TRIM24: variants seen among roughly 807,000 people sequenced by gnomAD.
The protein encoded by TRIM24 is tripartite motif containing 24.
In TRIM24, 29 loss-of-function variants were observed where a neutral mutation model predicts 123.9. The observed-to-expected ratio is 0.23, with a 90% CI of 0.17 to 0.32. TRIM24 has a LOEUF of 0.32. Among genes scored for constraint, TRIM24 ranks in the 10% least tolerant of loss-of-function variants. The pLI is 1.00. For synonymous variants in TRIM24, 456 were observed against 461.1 expected, an observed-to-expected ratio of 0.99 and a Z score of 0.14; for missense variants, 932 against 1,295.3, an observed-to-expected ratio of 0.72 and a Z score of 4.31.
At chr7:138,492,371 T>C (rs186620849) in intron 1 of TRIM24, among the ~76,000 whole-genome samples, 2 of 152,006 alleles carry the variant, frequency 1.3e-5, no homozygotes, top group East Asian at 3.9e-4. Context: ...TTATATATCC[T>C]GGATACTAAG....
intron 6 of TRIM24, among the ~76,000 whole-genome samples, chr7:138,534,158 A>G (rs1796813123): frequency 6.6e-6 from 1 of 152,168 alleles, no homozygotes; most frequent in African/African-American, 2.4e-5. Context: ...TTTTCAAAAA[A>G]ACCAGCTCCT....
intron 2 of TRIM24, among the ~76,000 whole-genome samples, chr7:138,512,166 C>A (rs1278371793): frequency 6.6e-6 from 1 of 152,206 alleles, no homozygotes; most frequent in African/African-American, 2.4e-5. Flanking sequence ...AAGCCTTGGG[C>A]AGCTGTACCT....
At chr7:138,533,508 G>C (rs1313746729) in intron 6 of TRIM24, among the ~76,000 whole-genome samples, 7 of 152,118 alleles carry the variant, frequency 4.6e-5, no homozygotes, top group Non-Finnish European at 8.8e-5. Flanking sequence ...TTTATATGCT[G>C]GATTACATTT....
chr7:138,472,330 G>C (rs1795290384), intron 1 of TRIM24, among the ~76,000 whole-genome samples: 1 of 151,986 alleles, frequency 6.6e-6, no homozygotes, highest in South Asian at 2.1e-4. Context: ...TGAGAAAGCA[G>C]AAAGGCATTG....
Position 138,522,246 on chromosome 7 carries a change from G to A in TRIM24, c.764+2925G>A, listed in dbSNP as rs374526548. ...AGCTACTCGGGAGGCTTAGGCAGGA[G>A]AATCACTCGAACCCAGGAGGTGGAG... is the stretch of plus-strand genomic sequence containing the variant. On this transcript the variant is annotated intron_variant, in intron 4 of 18. Coordinates refer to ENST00000343526, the MANE Select transcript of TRIM24 (RefSeq NM_015905.3). Among the ~76,000 whole-genome samples the A allele has an allele frequency of 2.7e-3, 409 of 152,048 alleles. 3 individuals are homozygous for A. Among genetic ancestry groups the A allele is most frequent in the African/African-American group, 9.3e-3 (387 of 41,464 alleles).
chr7:138,466,551 G>A (rs1418859989), intron 1 of TRIM24, among the ~76,000 whole-genome samples: 2 of 130,388 alleles, frequency 1.5e-5, no homozygotes, highest in Non-Finnish European at 3.1e-5. Context: ...TGCAACCTCC[G>A]CCATGTTGCT....
chr7:138,553,652 GATC>G, intron 8 of TRIM24, among the ~76,000 whole-genome samples: 1 of 152,144 alleles, frequency 6.6e-6, no homozygotes, highest in East Asian at 1.9e-4. Context: ...AAACTTGAGA[GATC>G]ACAACTTGTT....
intron 10 of TRIM24, among the ~76,000 whole-genome samples, chr7:138,569,381 A>G (rs942648830): frequency 1.3e-5 from 2 of 152,246 alleles, no homozygotes; most frequent in Non-Finnish European, 2.9e-5. Flanking sequence ...TTTAAGTAGT[A>G]GATGAGTTTA....
At chr7:138,493,480 T>C (rs1389763023) in intron 1 of TRIM24, among the ~76,000 whole-genome samples, 1 of 152,244 alleles carries the variant, frequency 6.6e-6, no homozygotes, top group Non-Finnish European at 1.5e-5. Context: ...GTTATGTATG[T>C]TACTGAAGTT....
Position 138,585,082 on chromosome 7 carries a change from G to A in TRIM24, c.*131G>A. ...TCATCTCTGTTTTGGACGTTTACTA[G>A]ACTTTGATTTCCTTAATAGCCCATT... On this transcript the variant is annotated 3_prime_UTR_variant, in exon 19 of 19. Transcript: ENST00000343526. 1.4e-6 allele frequency: 1 copy of A among 715,610 alleles called. No homozygotes were observed. Among genetic ancestry groups the A allele is most frequent in the Non-Finnish European group, 2.2e-6 (1 of 463,550 alleles). 44.3% of individuals were successfully genotyped at this position (715,610 alleles called of 1,614,324 possible).
At chr7:138,556,172 A>G (rs1374095041) in intron 9 of TRIM24, 1 of 152,182 alleles carries the variant, frequency 6.6e-6, no homozygotes, top group Non-Finnish European at 1.5e-5. Context: ...TCATAGAAAA[A>G]TAAAAACATT....
Position 138,585,224 on chromosome 7 carries a change from A to G in TRIM24, c.*273A>G, listed in dbSNP as rs1484279017. On this transcript the variant is annotated 3_prime_UTR_variant, in exon 19 of 19. Transcript: ENST00000343526. ...AGGATGGAAGAAAGAAGCATTGAAA[A>G]CAAAGACATTCTTCCCACTTCTTGG... 1 of 302,422 alleles carries G rather than the reference A, an allele frequency of 3.3e-6. No homozygotes were observed. Among genetic ancestry groups the G allele is most frequent in the East Asian group, 5.3e-5 (1 of 18,970 alleles). The allele number at this position is 302,422 out of a possible 1,614,324, so 18.7% of individuals were successfully genotyped here.
At chr7:138,488,322 A>G (rs533658346) in intron 1 of TRIM24, among the ~76,000 whole-genome samples, 1 of 149,334 alleles carries the variant, frequency 6.7e-6, no homozygotes, top group East Asian at 1.9e-4. Flanking sequence ...AATTTTTTGA[A>G]GGGGTTTTTT....
At chr7:138,509,701 CA>C (rs538243079) in intron 2 of TRIM24, among the ~76,000 whole-genome samples, 349 of 67,866 alleles carry the variant, frequency 5.1e-3, no homozygotes, top group African/African-American at 0.013. Flanking sequence ...GACTCTGTCT[CA>C]AAAAAAAAAA....
At chr7:138,495,581 A>T (rs1795887103) in intron 1 of TRIM24, among the ~76,000 whole-genome samples, 1 of 151,492 alleles carries the variant, frequency 6.6e-6, no homozygotes, top group African/African-American at 2.4e-5. Context: ...TTTGTCTTTG[A>T]TTTCTGCAGT....
At chr7:138,533,287 C>G (rs1198078473) in intron 6 of TRIM24, among the ~76,000 whole-genome samples, 1 of 152,144 alleles carries the variant, frequency 6.6e-6, no homozygotes, top group Non-Finnish European at 1.5e-5. Flanking sequence ...GCATCCCTGT[C>G]TTGTGCCAGT....
At chr7:138,533,379 G>C (rs1013402252) in intron 6 of TRIM24, among the ~76,000 whole-genome samples, 61 of 152,260 alleles carry the variant, frequency 4.0e-4, no homozygotes, top group Middle Eastern at 3.4e-3. Context: ...TTATTATTTT[G>C]AGATACGTCC....
At chr7:138,563,937 G>A (rs1396093500) in intron 9 of TRIM24, among the ~76,000 whole-genome samples, 1 of 152,192 alleles carries the variant, frequency 6.6e-6, no homozygotes, top group Non-Finnish European at 1.5e-5. Flanking sequence ...GTGTATGCCT[G>A]AACGTTAAGT....
chr7:138,567,796 A>G, intron 10 of TRIM24, 142 bp downstream of exon 10: 1 of 865,260 alleles, frequency 1.2e-6, no homozygotes, highest in Non-Finnish European at 1.6e-6. Flanking sequence ...TGTGAATTGC[A>G]AAGTTTGATG....
Sources: allele counts gnomAD v4.1 joint callset (sites outside exome capture counted in the v4.1 genomes callset), GRCh38; gene constraint gnomAD v4.1.1; transcripts MANE v1.5; gene names NCBI Gene and HGNC (gene_info 2026-07-23, HGNC 2026-07-21).